ZFYVE9: variants seen among roughly 807,000 people sequenced by gnomAD.
ZFYVE9 encodes the protein zinc finger FYVE domain-containing protein 9.
ZFYVE9 carries 43 observed loss-of-function variants against 126.7 expected under a neutral mutation model. The observed-to-expected ratio is 0.34, with a 90% confidence interval of 0.27 to 0.44. The LOEUF (loss-of-function observed/expected upper bound fraction) is 0.44, where lower values mean the gene tolerates loss of function less well. Ranked by LOEUF, ZFYVE9 falls within the 20% of genes least tolerant of loss-of-function variation. The probability of loss-of-function intolerance (pLI) is 1.00; values close to 1 mark genes in which losing one functional copy is unlikely to be tolerated. For synonymous variants in ZFYVE9, 521 were observed against 597.4 expected (o/e 0.87, Z 1.87); for missense variants, 1,476 against 1,697.0 (o/e 0.87, Z 2.29).
intron 17 of ZFYVE9, 56 bp from the exon 18 acceptor site, chr1:52,344,712 C>G: frequency 5.7e-6 from 9 of 1,590,834 alleles, no homozygotes; most frequent in Non-Finnish European, 7.7e-6. Flanking sequence ...GTGAGCTAAT[C>G]TACTTCTCCC....
chr1:52,323,316 C>T (rs1372541875), intron 13 of ZFYVE9, among the ~76,000 whole-genome samples: 2 of 152,184 alleles, frequency 1.3e-5, no homozygotes, highest in Non-Finnish European at 2.9e-5. Flanking sequence ...TTGTACCCAC[C>T]AATACTCCCA....
chr1:52,315,576 T>C (rs1191109753), intron 13 of ZFYVE9, among the ~76,000 whole-genome samples: 1 of 152,130 alleles, frequency 6.6e-6, no homozygotes. Context: ...CTTAAAAGTT[T>C]ATTGATAAGT....
At chr1:52,200,044 T>C (rs1644909004) in intron 1 of ZFYVE9, among the ~76,000 whole-genome samples, 1 of 151,564 alleles carries the variant, frequency 6.6e-6, no homozygotes, top group African/African-American at 2.4e-5. Context: ...TTTTTTATTA[T>C]TGTTTTAAAA....
chr1:52,320,321 C>T (rs531843245), intron 13 of ZFYVE9, among the ~76,000 whole-genome samples: 73 of 152,202 alleles, frequency 4.8e-4, no homozygotes, highest in Middle Eastern at 3.4e-3. Context: ...CCACCTACCT[C>T]GGCCTCCCAA....
chr1:52,342,218 C>T lies in ZFYVE9; in HGVS notation c.3939+1987C>T, dbSNP rs75720242. 7.7e-3 allele frequency among the ~76,000 whole-genome samples: 1,161 copies of T among 151,308 alleles called. 17 individuals are homozygous for T. The highest frequency in any genetic ancestry group is 0.027 in the African/African-American group (1,103 of 41,238). On this transcript the variant is annotated intron_variant, in intron 17 of 18. Coordinates refer to ENST00000287727, the MANE Select transcript of ZFYVE9 (RefSeq NM_004799.4). ...TTATGGAGCAGTAAGCTAGGGGTTG[C>T]TATATAGAAACATCGTGTATTTGCA...
Position 52,316,181 on chromosome 1 carries a change from A to G in ZFYVE9, c.3438+12256A>G, listed in dbSNP as rs12045456. Among the ~76,000 whole-genome samples the G allele has an allele frequency of 8.8e-3, 1,309 of 148,162 alleles. 65 individuals carry two copies. The East Asian group carries it at 0.11, about 13-fold the overall frequency. ...ACTCCATCTCAAAAAAAAAAAAAAAAAAAAAAAAAGAAAAGAAACCACAGC... is the reference window on the plus strand; with the variant it reads ...ACTCCATCTCAAAAAAAAAAAAAAAGAAAAAAAAAGAAAAGAAACCACAGC... On this transcript the variant is annotated intron_variant, in intron 13 of 18. Coordinates refer to ENST00000287727, the MANE Select transcript of ZFYVE9 (RefSeq NM_004799.4).
chr1:52,204,396 C>T (rs773251636), intron 1 of ZFYVE9, among the ~76,000 whole-genome samples: 7 of 152,020 alleles, frequency 4.6e-5, no homozygotes, highest in Admixed American at 6.6e-5. Flanking sequence ...GTTAGGCTTT[C>T]GTCAAATAGT....
intron 6 of ZFYVE9, among the ~76,000 whole-genome samples, 161 bp from the exon 7 acceptor site, chr1:52,268,302 A>G (rs1417610637): frequency 6.6e-6 from 1 of 152,254 alleles, no homozygotes. Context: ...TAATTCATTT[A>G]TAACCACTTT....
intron 1 of ZFYVE9, among the ~76,000 whole-genome samples, chr1:52,188,965 T>G (rs2124552378): frequency 6.6e-6 from 1 of 152,082 alleles, no homozygotes; most frequent in African/African-American, 2.4e-5. Flanking sequence ...TGAGATGGAG[T>G]CTTGCTTTGT....
At chr1:52,309,472 C>A (rs1646118243) in intron 13 of ZFYVE9, among the ~76,000 whole-genome samples, 2 of 152,014 alleles carry the variant, frequency 1.3e-5, no homozygotes, top group African/African-American at 4.8e-5. Flanking sequence ...GAGTGAGACC[C>A]TGTCTCAAAA....
rs766221759 is a variant in ZFYVE9 at position 52,266,850 on chromosome 1, TTCTC to T, written c.2455+25_2455+28del. On this transcript the variant is annotated intron_variant, in intron 6 of 18. Transcript: ENST00000287727. ...GCAGAAGGTAGGGGATCATGTGCTA[TTCTC>T]TCTCTTTTTCCTCACGAAGTTCCTC... 5.2e-6 allele frequency: 8 copies of T among 1,552,838 alleles called. No homozygotes were observed. Among genetic ancestry groups the T allele is most frequent in the Non-Finnish European group, 6.9e-6 (8 of 1,152,202 alleles).
At chr1:52,311,645 G>T (rs775146663) in intron 13 of ZFYVE9, among the ~76,000 whole-genome samples, 9 of 152,164 alleles carry the variant, frequency 5.9e-5, no homozygotes, top group Non-Finnish European at 1.3e-4. Flanking sequence ...ATATTGTGAA[G>T]TTTTGTGACA....
chr1:52,282,288 T>C (rs1385473166), intron 10 of ZFYVE9, among the ~76,000 whole-genome samples: 1 of 152,162 alleles, frequency 6.6e-6, no homozygotes, highest in South Asian at 2.1e-4. Context: ...GGTTAGAAGC[T>C]GGGAAAGACT....
At chr1:52,192,550 T>C (rs924944327) in intron 1 of ZFYVE9, among the ~76,000 whole-genome samples, 2 of 152,218 alleles carry the variant, frequency 1.3e-5, no homozygotes, top group Admixed American at 6.5e-5. Context: ...GAAATTCTCT[T>C]GGCAAAACAG....
At chr1:52,264,172 G>GGT (rs1266756311) in intron 5 of ZFYVE9, 1 of 182,294 alleles carries the variant, frequency 5.5e-6, no homozygotes, top group African/African-American at 2.4e-5. Context: ...ACCAGAGTGA[G>GGT]GTGGGAATGG....
chr1:52,312,943 A>G (rs1646151520), intron 13 of ZFYVE9, among the ~76,000 whole-genome samples: 1 of 152,212 alleles, frequency 6.6e-6, no homozygotes, highest in South Asian at 2.1e-4. Flanking sequence ...AAATGAAGTC[A>G]TTAGAGCAGG....
chr1:52,225,335 C>CA (rs1227300927), intron 2 of ZFYVE9, among the ~76,000 whole-genome samples: 1 of 152,166 alleles, frequency 6.6e-6, no homozygotes, highest in Admixed American at 6.5e-5. Flanking sequence ...TAGCCCCTCC[C>CA]AAAGGAGAAT....
At chr1:52,243,313 A>G (rs1645353560) in intron 4 of ZFYVE9, among the ~76,000 whole-genome samples, 1 of 152,202 alleles carries the variant, frequency 6.6e-6, no homozygotes, top group East Asian at 1.9e-4. Context: ...GGAGATAAGG[A>G]GGGATAATAT....
chr1:52,318,833 C>T (rs180810821), intron 13 of ZFYVE9, among the ~76,000 whole-genome samples: 3 of 152,258 alleles, frequency 2.0e-5, no homozygotes, highest in Non-Finnish European at 2.9e-5. Flanking sequence ...TGTGGTGGCT[C>T]ACACCTGTAA....
Sources: allele counts gnomAD v4.1 joint callset (sites outside exome capture counted in the v4.1 genomes callset), GRCh38; gene constraint gnomAD v4.1.1; transcripts MANE v1.5; gene names NCBI Gene and HGNC (gene_info 2026-07-23, HGNC 2026-07-21).